IL18R1: variants seen among roughly 807,000 people sequenced by gnomAD.
IL18R1 encodes the protein interleukin 18 receptor 1.
IL18R1 carries 40 observed loss-of-function variants against 48.5 expected under a neutral mutation model. The ratio of observed to expected loss-of-function variants is 0.82; its 90% CI spans 0.64 to 1.07. The LOEUF (loss-of-function observed/expected upper bound fraction) is 1.07. Ranked by LOEUF, IL18R1 falls within the 50% of genes least tolerant of loss-of-function variation. IL18R1 has a pLI of 0.00. For synonymous variants in IL18R1, 232 were observed against 225.9 expected, an observed-to-expected ratio of 1.03 and a Z score of -0.24; for missense variants, 596 against 633.7, an observed-to-expected ratio of 0.94 and a Z score of 0.64.
intron 9 of IL18R1, 38 bp from the exon 10 acceptor site, chr2:102,394,431 T>C (rs765441189): frequency 1.3e-6 from 2 of 1,513,216 alleles, no homozygotes; most frequent in South Asian, 2.4e-5. Flanking sequence ...TAAAATTTTA[T>C]TTACACATGA....
In IL18R1 at chr2:102,375,981, G is replaced by A; in HGVS notation, c.543G>A (p.Gly181=). 1 of 1,609,050 alleles carries A rather than the reference G, an allele frequency of 6.2e-7. No homozygotes were observed. The highest frequency in any genetic ancestry group is 1.1e-5 in the South Asian group (1 of 89,666). Residue 181 remains glycine (G), a synonymous_variant, in exon 5 of 11, where the codon GGG becomes GGA. Transcript: ENST00000233957. ...IKKNAEFEDQ[G]YYSCVHFLHH... ...AGAACGCCGAGTTTGAAGATCAGGG[G>A]TATTACTCCTGCGTGCATTTCCTTC...
At chr2:102,380,023 C>T (rs552440283) in intron 5 of IL18R1, among the ~76,000 whole-genome samples, 30 of 152,268 alleles carry the variant, frequency 2.0e-4, no homozygotes, top group Admixed American at 5.2e-4. Context: ...AGCTTGTGCT[C>T]GTGAATCACA....
chr2:102,362,865 C>A, intron 2 of IL18R1, 147 bp downstream of exon 2: 1 of 452,558 alleles, frequency 2.2e-6, no homozygotes, highest in Non-Finnish European at 3.9e-6. Flanking sequence ...GTAGTGAGAG[C>A]AGAGTGAAAA....
chr2:102,398,260 G>C lies in IL18R1; in HGVS notation c.*1374G>C, dbSNP rs1379543626. 1 of 152,374 alleles carries C rather than the reference G, an allele frequency of 6.6e-6. No homozygotes were observed. The highest frequency in any genetic ancestry group is 2.4e-5 in the African/African-American group (1 of 41,462). The allele number at this position is 152,374 out of a possible 1,614,324, so 9.4% of individuals were successfully genotyped here. The stretch of plus-strand genomic sequence containing the variant: ...CCCCCCAAAGGGAGCCCAGCACTGG[G>C]AGCCTTCTTGATGATCTCAAAAATA... On this transcript the variant is annotated 3_prime_UTR_variant, in exon 11 of 11. Transcript: ENST00000233957.
intron 2 of IL18R1, 127 bp downstream of exon 2, chr2:102,362,845 C>CT (rs1678661142): frequency 8.9e-6 from 5 of 564,016 alleles, no homozygotes; most frequent in African/African-American, 1.9e-5. Flanking sequence ...ATTCTGCAGT[C>CT]TGAGTTCATG....
chr2:102,357,845 A>G (rs1053460833), intron 1 of IL18R1, among the ~76,000 whole-genome samples: 37 of 152,182 alleles, frequency 2.4e-4, no homozygotes, highest in African/African-American at 8.2e-4. Flanking sequence ...GAGAAGCCAG[A>G]TTCCACACAA....
Position 102,361,374 on chromosome 2 carries a change from G to A in IL18R1, c.-28-1259G>A, listed in dbSNP as rs747554002. 9.9e-5 allele frequency among the ~76,000 whole-genome samples: 15 copies of A among 152,132 alleles called. 1 individual carries two copies. Among genetic ancestry groups the A allele is most frequent in the Non-Finnish European group, 1.5e-4 (10 of 67,986 alleles). ...CTCTTGGAAATTCCACCAAATATTT[G>A]GTGATTTTTCCATAAGGATGTATGT... On this transcript the variant is annotated intron_variant, in intron 1 of 10. Coordinates refer to ENST00000233957, the MANE Select transcript of IL18R1 (RefSeq NM_003855.5).
rs1289975284 is a variant in IL18R1, at chr2:102,396,935, T to A, written c.*49T>A. On this transcript the variant is annotated 3_prime_UTR_variant, in exon 11 of 11. Coordinates refer to ENST00000233957, the MANE Select transcript of IL18R1 (RefSeq NM_003855.5). ...AAAGAACTCAAGATATTCTGGGGAC[T>A]GAGCATATGAACCTGTTCATAACAA... is the stretch of plus-strand genomic sequence containing the variant. The A allele has an allele frequency of 8.9e-7, 1 of 1,117,962 alleles. No individual in the cohort carries two copies. Among genetic ancestry groups the A allele is most frequent in the Admixed American group, 2.4e-5 (1 of 42,430 alleles). The allele number at this position is 1,117,962 out of a possible 1,614,324, so 69.3% of individuals were successfully genotyped here.
chr2:102,362,458 T>G lies in IL18R1; in HGVS notation c.-28-175T>G, dbSNP rs1416436681. On this transcript the variant is annotated intron_variant, in intron 1 of 10. Coordinates refer to ENST00000233957, the MANE Select transcript of IL18R1 (RefSeq NM_003855.5). Reference sequence around the variant, plus strand: ...AGAAAAACTTCATTGCCTTGAAATTTTATTAATTTTATATGGCTGAAAGTT... The same window carrying G: ...AGAAAAACTTCATTGCCTTGAAATTGTATTAATTTTATATGGCTGAAAGTT... Among the ~76,000 whole-genome samples the G allele has an allele frequency of 2.6e-5, 4 of 152,232 alleles. No homozygotes were observed. In the East Asian group the frequency reaches 7.7e-4, roughly 29 times the overall value.
At position 102,381,580 on chromosome 2, in the gene IL18R1, G is replaced by C. The variant is rs934926656; in HGVS notation, c.626-40G>C. The C allele has an allele frequency of 3.5e-6, 5 of 1,435,240 alleles. No homozygotes were observed. In the African/African-American group the frequency reaches 5.6e-5, roughly 16 times the overall value. The allele number at this position is 1,435,240 out of a possible 1,614,324, so 88.9% of individuals were successfully genotyped here. ...GATGCTTGTCATAAAGAAGCTCAAG[G>C]CAACACTAATACATTTGTCTTTTCT... On this transcript the variant is annotated intron_variant, in intron 5 of 10. Transcript: ENST00000233957.
intron 3 of IL18R1, 65 bp downstream of exon 3, chr2:102,368,133 A>C (rs1249369366): frequency 6.4e-7 from 1 of 1,561,564 alleles, no homozygotes; most frequent in Non-Finnish European, 8.8e-7. Flanking sequence ...AGCAACTCAA[A>C]TATGCAGTAA....
intron 5 of IL18R1, among the ~76,000 whole-genome samples, chr2:102,377,095 TG>T (rs1464387379): frequency 1.3e-5 from 2 of 152,210 alleles, no homozygotes; most frequent in Non-Finnish European, 1.5e-5. Context: ...AACACTTGTG[TG>T]GGTGGCTTGT....
chr2:102,388,431 C>T (rs2105115862), intron 8 of IL18R1, among the ~76,000 whole-genome samples: 1 of 152,320 alleles, frequency 6.6e-6, no homozygotes, highest in East Asian at 1.9e-4. Flanking sequence ...TTCTGCAGGG[C>T]TTGTCGCCTG....
chr2:102,382,508 A>T (rs987666916), intron 6 of IL18R1, among the ~76,000 whole-genome samples: 1 of 152,220 alleles, frequency 6.6e-6, no homozygotes, highest in Non-Finnish European at 1.5e-5. Flanking sequence ...AAATTCACAT[A>T]TGCTAAATAT....
At position 102,372,039 on chromosome 2, in the gene IL18R1, T is replaced by G; in HGVS notation, c.389T>G (p.Val130Gly). 1 of 1,604,334 alleles carries G rather than the reference T, an allele frequency of 6.2e-7. No homozygotes were observed. Among genetic ancestry groups the G allele is most frequent in the South Asian group, 1.1e-5 (1 of 89,184 alleles). The change falls in exon 4 of 11, where the codon GTG (valine) becomes GGG (glycine). Residue 130 changes from valine (V) to glycine (G), a missense_variant. Around this residue, in one of 3 missense-constraint regions of IL18R1, gnomAD observed 360 missense variants for 339.4 expected, o/e 1.06. Coordinates refer to ENST00000233957, the MANE Select transcript of IL18R1 (RefSeq NM_003855.5). ...GAAAGACAAGTAACTAGTAAAATTG[T>G]GGAAGTTAAAAAATTTTTTCAGATA... ...FTERQVTSKI[V>G]EVKKFFQITC...
intron 2 of IL18R1, among the ~76,000 whole-genome samples, chr2:102,365,535 G>T (rs1678840584): frequency 6.6e-6 from 1 of 152,154 alleles, no homozygotes; most frequent in Non-Finnish European, 1.5e-5. Flanking sequence ...AGTGCATGGT[G>T]CAAGCTGTCA....
At chr2:102,394,810 T>G (rs1010372674) in intron 10 of IL18R1, among the ~76,000 whole-genome samples, 183 bp downstream of exon 10, 2 of 152,158 alleles carry the variant, frequency 1.3e-5, no homozygotes, top group African/African-American at 4.8e-5. Flanking sequence ...CTTCCAATAG[T>G]CTCTTCTCTT....
At position 102,386,921 on chromosome 2, in the gene IL18R1, C is replaced by A. The variant is rs779949805; in HGVS notation, c.870C>A (p.Ser290Arg). ...KVLRIENIGE[S>R]NLNVLYNCTV... is the part of the protein sequence containing the mutation. Reference sequence around the variant, plus strand: ...TGAGAATTGAAAATATTGGTGAAAGCAATCTAAATGTTTTATATAATTGCA... The same window carrying A: ...TGAGAATTGAAAATATTGGTGAAAGAAATCTAAATGTTTTATATAATTGCA... The change falls in exon 8 of 11, where the codon AGC (serine) becomes AGA (arginine). Residue 290 changes from serine (S) to arginine (R), a missense_variant. Around this residue, in one of 3 missense-constraint regions of IL18R1, gnomAD observed 57 missense variants for 88.2 expected, o/e 0.65. Coordinates refer to ENST00000233957, the MANE Select transcript of IL18R1 (RefSeq NM_003855.5). The A allele has an allele frequency of 2.5e-6, 4 of 1,613,960 alleles. No individual in the cohort carries two copies. Among genetic ancestry groups the A allele is most frequent in the African/African-American group, 1.3e-5 (1 of 75,038 alleles).
intron 1 of IL18R1, among the ~76,000 whole-genome samples, chr2:102,357,863 T>G (rs1205207044): frequency 6.6e-6 from 1 of 152,142 alleles, no homozygotes; most frequent in Non-Finnish European, 1.5e-5. Context: ...CAAATTATTT[T>G]GTTTGTTAGA....
Sources: gnomAD v4.1 joint callset for allele counts (sites outside exome capture counted in the v4.1 genomes callset) on GRCh38, gnomAD v4.1.1 for gene constraint, gnomAD v4.1.1 regional missense constraint, MANE v1.5 for transcripts, NCBI Gene and HGNC (gene_info 2026-07-23, HGNC 2026-07-21) for gene names.